Variants in LRRC37A2 observed in about 807,000 individuals in gnomAD.
LRRC37A2 encodes leucine rich repeat containing 37 member A2.
Under a neutral mutation model 68.8 loss-of-function variants are expected in LRRC37A2, and 9 were observed. The observed-to-expected ratio is 0.13, with a 90% CI of 0.08 to 0.23. LRRC37A2 has a LOEUF of 0.23. Among genes scored for constraint, LRRC37A2 ranks in the 10% least tolerant of loss-of-function variants. The pLI is 1.00. For synonymous variants in LRRC37A2, 63 were observed against 367.6 expected, an observed-to-expected ratio of 0.17 and a Z score of 9.48; for missense variants, 168 against 950.4, an observed-to-expected ratio of 0.18 and a Z score of 10.82.
At chr17:46,771,311 C>G in the LRRC37A2 span, among the ~76,000 whole-genome samples, 1 of 152,110 alleles carries the variant, frequency 6.6e-6, no homozygotes, top group Admixed American at 6.5e-5. Flanking sequence ...GCCTCGGGGT[C>G]CCAGCCGCGC....
chr17:46,722,880 C>T, the LRRC37A2 span, among the ~76,000 whole-genome samples: 1 of 152,176 alleles, frequency 6.6e-6, no homozygotes, highest in Non-Finnish European at 1.5e-5. Context: ...TCGTCATGGT[C>T]GGTGTGTTAA....
chr17:46,773,564 C>T, the LRRC37A2 span: 11 of 1,318,156 alleles, frequency 8.3e-6, 1 homozygote, highest in Admixed American at 2.6e-4. Context: ...CCCAGAGGGA[C>T]CCTGGCTTCA....
the LRRC37A2 span, among the ~76,000 whole-genome samples, chr17:46,589,300 G>A: frequency 2.3e-5 from 2 of 87,526 alleles, no homozygotes; most frequent in Non-Finnish European, 3.7e-5. Context: ...AAGCACCCTG[G>A]TCCTCAGGTT....
the LRRC37A2 span, among the ~76,000 whole-genome samples, chr17:46,801,731 A>T: frequency 1.3e-5 from 2 of 152,224 alleles, no homozygotes; most frequent in South Asian, 4.1e-4. Flanking sequence ...AACATGGTCC[A>T]AGTTTAACAA....
chr17:46,909,715 C>T, the LRRC37A2 span: 1 of 152,240 alleles, frequency 6.6e-6, no homozygotes, highest in East Asian at 1.9e-4. Flanking sequence ...GGTACATGTG[C>T]AGGTTTGTTA....
the LRRC37A2 span, among the ~76,000 whole-genome samples, chr17:46,687,375 A>G: frequency 6.6e-6 from 1 of 151,116 alleles, no homozygotes; most frequent in Non-Finnish European, 1.5e-5. Flanking sequence ...TAACTCTTTA[A>G]TCTTATCATG....
At chr17:46,953,724 C>G in the LRRC37A2 span, among the ~76,000 whole-genome samples, 2 of 152,136 alleles carry the variant, frequency 1.3e-5, no homozygotes. Context: ...TTTTAATGAT[C>G]GCCATTCTAA....
the LRRC37A2 span, among the ~76,000 whole-genome samples, chr17:46,697,579 CT>C: frequency 7.2e-6 from 1 of 138,856 alleles, no homozygotes; most frequent in African/African-American, 2.8e-5. Context: ...CATAATTTCC[CT>C]ACATAATAGA....
At chr17:46,885,103 C>T in the LRRC37A2 span, 1 of 433,090 alleles carries the variant, frequency 2.3e-6, no homozygotes, top group Non-Finnish European at 4.7e-6. Flanking sequence ...ATTCTCCCGT[C>T]TCAGCTGCCT....
chr17:46,929,558 A>G, the LRRC37A2 span: 32 of 1,562,206 alleles, frequency 2.0e-5, no homozygotes, highest in Admixed American at 3.3e-5. Flanking sequence ...GGACGCCTGG[A>G]GACGGCAGAC....
At chr17:46,679,456 C>T in the LRRC37A2 span, among the ~76,000 whole-genome samples, 1 of 130,096 alleles carries the variant, frequency 7.7e-6, no homozygotes, top group African/African-American at 3.0e-5. Flanking sequence ...ATGTAAGCTC[C>T]TTATATTATT....
At chr17:46,798,556 G>A in the LRRC37A2 span, among the ~76,000 whole-genome samples, 1 of 152,182 alleles carries the variant, frequency 6.6e-6, no homozygotes, top group Non-Finnish European at 1.5e-5. Flanking sequence ...CCTTCTCAGA[G>A]TTTAGCAGCC....
chr17:46,938,747 A>G, the LRRC37A2 span: 1 of 1,613,952 alleles, frequency 6.2e-7, no homozygotes, highest in Non-Finnish European at 8.5e-7. Context: ...CTCGTGGTGC[A>G]GTACCTGACA....
chr17:46,883,707 C>A, the LRRC37A2 span, among the ~76,000 whole-genome samples: 2 of 152,260 alleles, frequency 1.3e-5, no homozygotes, highest in East Asian at 3.9e-4. Flanking sequence ...GTGCTGGGCA[C>A]GGCCTGGGGA....
chr17:46,622,467 A>T, the LRRC37A2 span, among the ~76,000 whole-genome samples: 1 of 149,960 alleles, frequency 6.7e-6, no homozygotes, highest in African/African-American at 2.5e-5. Context: ...CAAACAAATT[A>T]AAATAAATAA....
At chr17:47,037,913 A>G in the LRRC37A2 span, among the ~76,000 whole-genome samples, 17,736 of 152,150 alleles carry the variant, frequency 0.12, 1,120 homozygotes, top group South Asian at 0.22. Context: ...ATTAGCATAT[A>G]TTGTTTATAT....
chr17:46,948,050 C>T, the LRRC37A2 span, among the ~76,000 whole-genome samples: 69 of 152,042 alleles, frequency 4.5e-4, no homozygotes, highest in African/African-American at 1.5e-3. Flanking sequence ...GGATTACAGA[C>T]GTGAGCCACC....
chr17:47,015,070 C>T, the LRRC37A2 span, among the ~76,000 whole-genome samples: 11 of 131,836 alleles, frequency 8.3e-5, no homozygotes, highest in Non-Finnish European at 9.3e-5. Context: ...TGCAGTGGTA[C>T]GATCTCAGCT....
At chr17:46,940,943 G>T in the LRRC37A2 span, 1 of 1,266,696 alleles carries the variant, frequency 7.9e-7, no homozygotes, top group Non-Finnish European at 1.0e-6. Flanking sequence ...TGGCCTAACA[G>T]TGTGACTCTC....
Sources: allele counts gnomAD v4.1 joint callset (sites outside exome capture counted in the v4.1 genomes callset), GRCh38; gene constraint gnomAD v4.1.1; transcripts MANE v1.5; gene names NCBI Gene and HGNC (gene_info 2026-07-23, HGNC 2026-07-21).